KANSL1: variants seen among roughly 807,000 people sequenced by gnomAD.
The protein encoded by KANSL1 is MLL1/MLL complex subunit KANSL1.
KANSL1 carries 22 observed loss-of-function variants against 103.6 expected under a neutral mutation model. The ratio of observed to expected loss-of-function variants is 0.21; its 90% confidence interval spans 0.15 to 0.30. KANSL1 has a LOEUF of 0.30. Ranked by LOEUF, KANSL1 falls within the 10% of genes least tolerant of loss-of-function variation. KANSL1 has a pLI of 1.00. For missense variants in KANSL1, 1,337 were observed against 1,399.8 expected, an observed-to-expected ratio of 0.96 and a Z score of 0.72; for synonymous variants, 600 against 527.6, an observed-to-expected ratio of 1.14 and a Z score of -1.88.
intron 1 of KANSL1, among the ~76,000 whole-genome samples, chr17:46,206,419 A>T (rs2047971267): frequency 6.6e-6 from 1 of 152,258 alleles, no homozygotes; most frequent in Non-Finnish European, 1.5e-5. Flanking sequence ...AAGACAATTC[A>T]GTGGAGGAAA....
intron 2 of KANSL1, among the ~76,000 whole-genome samples, chr17:46,124,230 C>G (rs1233616690): frequency 6.6e-6 from 1 of 152,250 alleles, no homozygotes. Flanking sequence ...AAGACCCCGT[C>G]TCTATAAAAT....
intron 6 of KANSL1, among the ~76,000 whole-genome samples, chr17:46,063,807 A>T (rs1225984988): frequency 6.6e-6 from 1 of 152,036 alleles, no homozygotes; most frequent in African/African-American, 2.4e-5. Context: ...CATACTTCAG[A>T]AAATTTTTAT....
intron 2 of KANSL1, among the ~76,000 whole-genome samples, chr17:46,126,399 G>A (rs532109195): frequency 3.3e-5 from 5 of 152,216 alleles, no homozygotes; most frequent in South Asian, 4.1e-4. Context: ...TCGAGATCGC[G>A]CCATTGCACT....
At chr17:46,100,504 T>C (rs769287913) in intron 2 of KANSL1, among the ~76,000 whole-genome samples, 84 of 151,678 alleles carry the variant, frequency 5.5e-4, no homozygotes, top group Non-Finnish European at 8.2e-4. Flanking sequence ...TAAAAGTAAT[T>C]AATTTTTTTC....
At chr17:46,181,623 G>A (rs1451966855) in intron 1 of KANSL1, among the ~76,000 whole-genome samples, 1 of 152,126 alleles carries the variant, frequency 6.6e-6, no homozygotes, top group Non-Finnish European at 1.5e-5. Context: ...GTAGAGATGG[G>A]GTTTCACCAC....
At chr17:46,181,804 C>G (rs1332139378) in intron 1 of KANSL1, among the ~76,000 whole-genome samples, 2 of 152,172 alleles carry the variant, frequency 1.3e-5, no homozygotes, top group Non-Finnish European at 2.9e-5. Context: ...TCAATTGATA[C>G]GGACCCAGAA....
intron 2 of KANSL1, among the ~76,000 whole-genome samples, chr17:46,106,103 A>C (rs1232328548): frequency 1.3e-5 from 2 of 152,246 alleles, no homozygotes; most frequent in African/African-American, 4.8e-5. Flanking sequence ...ATCCAACAGA[A>C]AAACATCTTC....
chr17:46,058,828 T>C (rs2078040338), intron 6 of KANSL1, among the ~76,000 whole-genome samples: 1 of 146,312 alleles, frequency 6.8e-6, no homozygotes, highest in South Asian at 2.2e-4. Flanking sequence ...ATGACAATAT[T>C]GAAAGCTAAG....
intron 1 of KANSL1, among the ~76,000 whole-genome samples, chr17:46,175,309 GCTGTGT>G (rs1257102877): frequency 3.9e-5 from 5 of 127,800 alleles, no homozygotes; most frequent in Non-Finnish European, 6.4e-5. Flanking sequence ...CTGTCTTATT[GCTGTGT>G]GTGTGTGTGT....
At chr17:46,177,498 T>C (rs1390702967) in intron 1 of KANSL1, among the ~76,000 whole-genome samples, 1 of 152,248 alleles carries the variant, frequency 6.6e-6, no homozygotes, top group South Asian at 2.1e-4. Context: ...TACAATGGAA[T>C]ACTGTGCAAC....
At chr17:46,081,425 A>T (rs1401175786) in intron 4 of KANSL1, among the ~76,000 whole-genome samples, 2 of 150,388 alleles carry the variant, frequency 1.3e-5, no homozygotes, top group African/African-American at 5.0e-5. Flanking sequence ...CTTATATTAT[A>T]GACTTAAATA....
intron 4 of KANSL1, among the ~76,000 whole-genome samples, chr17:46,079,313 A>C (rs2078901147): frequency 6.6e-6 from 1 of 152,242 alleles, no homozygotes; most frequent in African/African-American, 2.4e-5. Flanking sequence ...TCCTGTTTGG[A>C]AATAAAGCAA....
chr17:46,105,892 C>G (rs1209178601), intron 2 of KANSL1, among the ~76,000 whole-genome samples: 3 of 136,268 alleles, frequency 2.2e-5, no homozygotes, highest in Middle Eastern at 3.7e-3. Context: ...CACACACACA[C>G]AGAGCAAGGC....
intron 2 of KANSL1, among the ~76,000 whole-genome samples, chr17:46,096,136 ATTT>A (rs60771086): frequency 1.5e-5 from 2 of 137,448 alleles, no homozygotes; most frequent in Admixed American, 7.5e-5. Flanking sequence ...ATGATACTGT[ATTT>A]TTTTTTTTTT....
intron 1 of KANSL1, among the ~76,000 whole-genome samples, chr17:46,187,137 TAACA>T (rs527521829): frequency 2.4e-4 from 36 of 152,352 alleles, no homozygotes; most frequent in African/African-American, 7.7e-4. Flanking sequence ...GTGGAGGTGC[TAACA>T]AACAGTCACA....
At position 46,159,742 on chromosome 17, in the gene KANSL1, G is replaced by A. The variant is rs184070417; in HGVS notation, c.1289+11113C>T. ...TTTTCCAGCAACTGGGGAAATAGTTGTTTGGGGCTTTTCCACATAAGATAT... is the reference window on the plus strand; with the variant it reads ...TTTTCCAGCAACTGGGGAAATAGTTATTTGGGGCTTTTCCACATAAGATAT... On this transcript the variant is annotated intron_variant, in intron 2 of 14. Coordinates refer to ENST00000432791, the MANE Select transcript of KANSL1 (RefSeq NM_015443.4). Among the ~76,000 whole-genome samples, 41 of 152,380 alleles carry A rather than the reference G, an allele frequency of 2.7e-4. No individual in the cohort carries two copies. In the East Asian group the frequency reaches 3.1e-3, roughly 11 times the overall value.
chr17:46,140,425 A>C (rs2696597), intron 2 of KANSL1, among the ~76,000 whole-genome samples: 17,444 of 150,390 alleles, frequency 0.12, 71 homozygotes, highest in Non-Finnish European at 0.18. Flanking sequence ...AGCCCTACTT[A>C]AATGTAAGCA....
chr17:46,050,414 T>A (rs972507659), intron 7 of KANSL1, 119 bp downstream of exon 7: 1 of 1,039,492 alleles, frequency 9.6e-7, no homozygotes, highest in African/African-American at 1.6e-5. Context: ...GAAGACTTGG[T>A]TGACGAAAGT....
intron 2 of KANSL1, among the ~76,000 whole-genome samples, chr17:46,162,830 C>A (rs2045813679): frequency 6.6e-6 from 1 of 152,240 alleles, no homozygotes; most frequent in African/African-American, 2.4e-5. Flanking sequence ...AGCTACCTCT[C>A]TGGTCTCATT....
Sources: gnomAD v4.1 joint callset for allele counts (sites outside exome capture counted in the v4.1 genomes callset) on GRCh38, gnomAD v4.1.1 for gene constraint, MANE v1.5 for transcripts, NCBI Gene and HGNC (gene_info 2026-07-23, HGNC 2026-07-21) for gene names.